The following GRM5 variants were observed in gnomAD, a reference collection of about 807,000 sequenced individuals.
The protein encoded by GRM5 is glutamate metabotropic receptor 5.
A neutral mutation model predicts 83.1 loss-of-function variants in GRM5; 19 were observed. The ratio of observed to expected loss-of-function variants is 0.23; its 90% CI spans 0.16 to 0.34. The LOEUF is 0.34. Ranked by LOEUF, GRM5 falls within the 10% of genes least tolerant of loss-of-function variation. The pLI, the probability that GRM5 is intolerant of heterozygous loss-of-function variation, is 1.00. For synonymous variants in GRM5, 675 were observed against 633.6 expected (o/e 1.07, Z -0.98); for missense variants, 1,160 against 1,588.3 (o/e 0.73, Z 4.58).
At chr11:88,523,665 C>T (rs905062911) in intron 9 of GRM5, among the ~76,000 whole-genome samples, 1 of 152,156 alleles carries the variant, frequency 6.6e-6, no homozygotes, top group African/African-American at 2.4e-5. Context: ...TGCCTTGTCT[C>T]TGAGAACCAT....
chr11:88,777,333 T>C (rs904980919), intron 3 of GRM5, among the ~76,000 whole-genome samples: 2 of 152,188 alleles, frequency 1.3e-5, no homozygotes, highest in Non-Finnish European at 2.9e-5. Context: ...AGCTAGCCAT[T>C]CATCTTATCT....
chr11:88,700,795 C>T (rs1941014948), intron 3 of GRM5, among the ~76,000 whole-genome samples: 1 of 152,130 alleles, frequency 6.6e-6, no homozygotes. Flanking sequence ...GAAACTGCTA[C>T]ACATATACAG....
chr11:89,057,298 A>C (rs1941898119), intron 1 of GRM5, among the ~76,000 whole-genome samples: 1 of 152,150 alleles, frequency 6.6e-6, no homozygotes. Flanking sequence ...CCTGAGGTGC[A>C]ATGATACAGA....
intron 8 of GRM5, among the ~76,000 whole-genome samples, chr11:88,539,377 G>C (rs963897600): frequency 1.3e-5 from 2 of 152,102 alleles, no homozygotes; most frequent in Non-Finnish European, 2.9e-5. Context: ...CATAAACTGT[G>C]TTTATGTTCA....
chr11:89,028,838 G>T (rs969587070), intron 2 of GRM5, among the ~76,000 whole-genome samples: 9 of 152,022 alleles, frequency 5.9e-5, no homozygotes, highest in African/African-American at 2.2e-4. Context: ...GAACATGAAG[G>T]TTTGTTACAT....
chr11:88,845,873 A>T (rs1426920224), intron 3 of GRM5, among the ~76,000 whole-genome samples: 1 of 152,212 alleles, frequency 6.6e-6, no homozygotes, highest in Non-Finnish European at 1.5e-5. Context: ...TGAATTTGGA[A>T]TAGACATTCT....
chr11:88,967,231 GTA>G (rs980206739), intron 2 of GRM5, among the ~76,000 whole-genome samples: 29 of 133,594 alleles, frequency 2.2e-4, no homozygotes, highest in Admixed American at 7.9e-4. Context: ...GTGTGTGTAT[GTA>G]TATATATATA....
intron 3 of GRM5, among the ~76,000 whole-genome samples, chr11:88,746,616 G>A (rs890570941): frequency 1.2e-4 from 18 of 150,456 alleles, no homozygotes; most frequent in African/African-American, 3.7e-4. Flanking sequence ...TCCAATATAC[G>A]AGCTGATTTA....
chr11:88,689,031 A>T (rs1287373750), intron 3 of GRM5, among the ~76,000 whole-genome samples: 1 of 152,138 alleles, frequency 6.6e-6, no homozygotes, highest in Non-Finnish European at 1.5e-5. Flanking sequence ...TTAATAACGT[A>T]ATGCTCACAG....
chr11:88,812,306 C>T (rs987471455), intron 3 of GRM5, among the ~76,000 whole-genome samples: 9 of 151,886 alleles, frequency 5.9e-5, no homozygotes, highest in Admixed American at 2.0e-4. Flanking sequence ...TATAGTGATA[C>T]GTCAACTGCA....
intron 2 of GRM5, among the ~76,000 whole-genome samples, chr11:89,009,406 G>A (rs1273398383): frequency 3.9e-5 from 6 of 152,018 alleles, no homozygotes; most frequent in Non-Finnish European, 8.8e-5. Flanking sequence ...AAGTTTCTTA[G>A]CAGACCATTG....
intron 3 of GRM5, among the ~76,000 whole-genome samples, chr11:88,818,844 T>C (rs185194581): frequency 3.7e-4 from 57 of 152,258 alleles, no homozygotes; most frequent in Admixed American, 3.4e-3. Flanking sequence ...AAAGACAGCA[T>C]TATTGTATAG....
At chr11:88,946,196 C>T (rs145666749) in intron 2 of GRM5, among the ~76,000 whole-genome samples, 7 of 152,166 alleles carry the variant, frequency 4.6e-5, no homozygotes, top group South Asian at 2.1e-4. Context: ...TCATCTCATA[C>T]CAGTTAGAAC....
intron 2 of GRM5, among the ~76,000 whole-genome samples, chr11:88,921,375 G>C (rs1337082524): frequency 6.6e-6 from 1 of 152,146 alleles, no homozygotes; most frequent in Non-Finnish European, 1.5e-5. Context: ...TGTAATCCTA[G>C]CACTTTGGGA....
intron 2 of GRM5, among the ~76,000 whole-genome samples, chr11:88,936,614 A>T (rs2135658075): frequency 6.6e-6 from 1 of 152,024 alleles, no homozygotes; most frequent in African/African-American, 2.4e-5. Context: ...GGTAAGAACA[A>T]ATACTTGATA....
At position 88,508,733 on chromosome 11, in the gene GRM5, C is replaced by G. The variant is rs758811838; in HGVS notation, c.3498G>C (p.Pro1166=). The G allele has an allele frequency of 3.4e-5, 53 of 1,580,738 alleles. No individual in the cohort carries two copies. The East Asian group carries it at 1.3e-3, about 37-fold the overall frequency. ...DLEELVALTP[P]SPFRDSVDSG... The stretch of plus-strand genomic sequence containing the variant: ...AGTCCACCGAGTCTCTGAAGGGGGA[C>G]GGCGGGGTGAGAGCCACCAGCTCCT... The change falls in exon 10 of 10, where the codon CCG becomes CCC. Residue 1166 remains proline (P), a synonymous_variant. Transcript: ENST00000305447. The surrounding 1 kb of genome is among the most constrained non-coding windows in gnomAD (Gnocchi z 4.2).
Position 88,897,673 on chromosome 11 carries a change from C to A in GRM5, c.662-47518G>T, listed in dbSNP as rs141950902. The stretch of plus-strand genomic sequence containing the variant: ...GTCAGAGATGATGTCAAACATTCTA[C>A]AATGCATAGGAAAGACCACCTGAAA... On this transcript the variant is annotated intron_variant, in intron 2 of 9. Transcript: ENST00000305447. 1.8e-3 allele frequency among the ~76,000 whole-genome samples: 270 copies of A among 151,898 alleles called. 2 individuals carry two copies. The highest frequency in any genetic ancestry group is 6.1e-3 in the African/African-American group (254 of 41,488).
intron 3 of GRM5, among the ~76,000 whole-genome samples, chr11:88,794,158 T>A (rs898434215): frequency 2.0e-5 from 3 of 152,150 alleles, no homozygotes; most frequent in African/African-American, 7.2e-5. Flanking sequence ...ACCTGGAACA[T>A]GCATGTTCTT....
rs570262742 is a variant in GRM5 at position 88,945,807 on chromosome 11, G to A, written c.662-95652C>T. Among the ~76,000 whole-genome samples, 19 of 152,022 alleles carry A rather than the reference G, an allele frequency of 1.2e-4. 1 individual carries two copies. In the South Asian group the frequency reaches 2.9e-3, roughly 23 times the overall value. The stretch of plus-strand genomic sequence containing the variant: ...CCTAGAAAAAAGCCTAGAACAAACC[G>A]TTCTGGACATCAAACTTGGGAAAGA... On this transcript the variant is annotated intron_variant, in intron 2 of 9. Transcript: ENST00000305447.
Sources: allele counts gnomAD v4.1 joint callset (sites outside exome capture counted in the v4.1 genomes callset), GRCh38; gene constraint gnomAD v4.1.1; non-coding constraint Gnocchi (gnomAD v3.1); transcripts MANE v1.5; gene names NCBI Gene and HGNC (gene_info 2026-07-23, HGNC 2026-07-21).